CACNB4: variants seen among roughly 807,000 people sequenced by gnomAD.
The protein encoded by CACNB4 is voltage-dependent L-type calcium channel subunit beta-4.
A neutral mutation model predicts 71.2 loss-of-function variants in CACNB4; 32 were observed. That is an observed-to-expected ratio of 0.45 (90% CI 0.34 to 0.60). The LOEUF (loss-of-function observed/expected upper bound fraction) is 0.60, where lower values mean the gene tolerates loss of function less well. Ranked by LOEUF, CACNB4 falls within the 20% of genes least tolerant of loss-of-function variation. The pLI is 0.01. For synonymous variants in CACNB4, 231 were observed against 236.9 expected (o/e 0.97, Z 0.23); for missense variants, 464 against 647.9 (o/e 0.72, Z 3.08).
chr2:151,947,262 T>C (rs942646040), intron 2 of CACNB4, among the ~76,000 whole-genome samples: 16 of 152,142 alleles, frequency 1.1e-4, no homozygotes, highest in African/African-American at 3.9e-4. Context: ...AGAGAAGATG[T>C]CCAGGGCTTG....
At chr2:151,927,580 A>G (rs1278858569) in intron 2 of CACNB4, among the ~76,000 whole-genome samples, 1 of 152,326 alleles carries the variant, frequency 6.6e-6, no homozygotes, top group African/African-American at 2.4e-5. Flanking sequence ...GGTTGTCTAG[A>G]AAAGTAGCAC....
intron 2 of CACNB4, among the ~76,000 whole-genome samples, chr2:152,003,859 A>G (rs1682568399): frequency 6.6e-6 from 1 of 152,094 alleles, no homozygotes; most frequent in Non-Finnish European, 1.5e-5. Context: ...CTTTAAAAAA[A>G]AACCAAACAA....
chr2:152,077,152 G>C (rs1449691009), intron 2 of CACNB4, among the ~76,000 whole-genome samples: 1 of 152,182 alleles, frequency 6.6e-6, no homozygotes, highest in African/African-American at 2.4e-5. Context: ...CGAGCACAGT[G>C]GCTCATGCCT....
intron 2 of CACNB4, among the ~76,000 whole-genome samples, chr2:151,954,021 T>C (rs2099867576): frequency 1.3e-5 from 2 of 152,210 alleles, no homozygotes; most frequent in Non-Finnish European, 2.9e-5. Context: ...CTTAAGGAAG[T>C]CACCCAGATG....
At chr2:151,894,405 C>A (rs1205082472) in intron 2 of CACNB4, among the ~76,000 whole-genome samples, 2 of 152,106 alleles carry the variant, frequency 1.3e-5, no homozygotes, top group African/African-American at 2.4e-5. Context: ...GATAGAAACT[C>A]TCAACAAATT....
At chr2:151,842,935 A>G (rs1249552855) in intron 12 of CACNB4, among the ~76,000 whole-genome samples, 1 of 152,246 alleles carries the variant, frequency 6.6e-6, no homozygotes, top group Non-Finnish European at 1.5e-5. Flanking sequence ...TATCTGTTTT[A>G]TGATAAAACA....
intron 2 of CACNB4, among the ~76,000 whole-genome samples, chr2:152,042,228 A>T (rs1234329940): frequency 1.3e-5 from 2 of 152,148 alleles, no homozygotes; most frequent in Non-Finnish European, 2.9e-5. Context: ...CCTACTAACT[A>T]ATCTAGGGTC....
intron 2 of CACNB4, among the ~76,000 whole-genome samples, chr2:152,051,681 T>A (rs1179323709): frequency 2.6e-5 from 4 of 152,186 alleles, no homozygotes; most frequent in African/African-American, 9.6e-5. Context: ...GGTACCAGTA[T>A]CATGGACTTT....
At chr2:151,895,385 T>G (rs2099851802) in intron 2 of CACNB4, among the ~76,000 whole-genome samples, 2 of 152,080 alleles carry the variant, frequency 1.3e-5, no homozygotes, top group African/African-American at 4.8e-5. Context: ...GAGAATTTCT[T>G]GAGCCCAGGA....
At chr2:152,073,224 C>T (rs1686797151) in intron 2 of CACNB4, among the ~76,000 whole-genome samples, 1 of 152,124 alleles carries the variant, frequency 6.6e-6, no homozygotes, top group Admixed American at 6.5e-5. Flanking sequence ...CGGAAGTCAG[C>T]TATCAGCAAA....
At chr2:152,002,670 C>T (rs1227260022) in intron 2 of CACNB4, among the ~76,000 whole-genome samples, 1 of 152,214 alleles carries the variant, frequency 6.6e-6, no homozygotes, top group African/African-American at 2.4e-5. Flanking sequence ...TTATACCACA[C>T]AGAGTTGCTG....
chr2:151,937,818 T>C (rs975014119), intron 2 of CACNB4, among the ~76,000 whole-genome samples: 2 of 152,202 alleles, frequency 1.3e-5, no homozygotes, highest in Non-Finnish European at 2.9e-5. Flanking sequence ...TGATCACTAA[T>C]TTCAAGGTTA....
At chr2:152,087,273 A>T (rs1687711842) in intron 2 of CACNB4, among the ~76,000 whole-genome samples, 1 of 151,256 alleles carries the variant, frequency 6.6e-6, no homozygotes, top group Non-Finnish European at 1.5e-5. Context: ...CTCTACTAAA[A>T]ATACAAAAAT....
intron 2 of CACNB4, among the ~76,000 whole-genome samples, chr2:151,897,678 T>C (rs578120037): frequency 9.2e-5 from 14 of 152,288 alleles, no homozygotes; most frequent in Non-Finnish European, 1.5e-4. Context: ...ATAAGCAGTT[T>C]TGAGTGGTGC....
intron 2 of CACNB4, among the ~76,000 whole-genome samples, chr2:151,932,255 T>A (rs1285841461): frequency 6.6e-6 from 1 of 152,008 alleles, no homozygotes; most frequent in Admixed American, 6.6e-5. Context: ...GTGGGGGAAC[T>A]CAGTAAAATG....
At chr2:151,915,227 C>T (rs1305469447) in intron 2 of CACNB4, among the ~76,000 whole-genome samples, 1 of 152,158 alleles carries the variant, frequency 6.6e-6, no homozygotes, top group Non-Finnish European at 1.5e-5. Context: ...AAGGATGGGT[C>T]AGGGTCAGGC....
chr2:151,874,430 T>G (rs1361867091), intron 5 of CACNB4, among the ~76,000 whole-genome samples: 4 of 146,022 alleles, frequency 2.7e-5, no homozygotes, highest in African/African-American at 7.7e-5. Context: ...ATTGCGCCAC[T>G]GCACTCCAGC....
intron 2 of CACNB4, among the ~76,000 whole-genome samples, chr2:151,910,161 G>T (rs117783428): frequency 0.22 from 32,953 of 151,976 alleles, 3,771 homozygotes; most frequent in Middle Eastern, 0.38. Flanking sequence ...TCATATGTTT[G>T]TTGGCCGCAT....
intron 2 of CACNB4, among the ~76,000 whole-genome samples, chr2:152,050,811 C>T (rs1396920733): frequency 6.6e-6 from 1 of 151,992 alleles, no homozygotes; most frequent in African/African-American, 2.4e-5. Flanking sequence ...CTTTGTCACC[C>T]AGGCTGGAGT....
Sources: allele counts gnomAD v4.1 joint callset (sites outside exome capture counted in the v4.1 genomes callset), GRCh38; gene constraint gnomAD v4.1.1; transcripts MANE v1.5; gene names NCBI Gene and HGNC (gene_info 2026-07-23, HGNC 2026-07-21).